Variants in CNTN5 observed in about 807,000 individuals in gnomAD.
CNTN5 encodes the protein contactin 5, also known as contactin-5.
In CNTN5, 77 loss-of-function variants were observed where a neutral mutation model predicts 129.1. That is an observed-to-expected ratio of 0.60 (90% CI 0.50 to 0.72). The LOEUF (loss-of-function observed/expected upper bound fraction) is 0.72. CNTN5 is among the 30% of genes least tolerant of loss of function. CNTN5 has a pLI of 0.00. For synonymous variants in CNTN5, 509 were observed against 465.6 expected, an observed-to-expected ratio of 1.09 and a Z score of -1.20; for missense variants, 1,478 against 1,328.8, an observed-to-expected ratio of 1.11 and a Z score of -1.75.
intron 3 of CNTN5, among the ~76,000 whole-genome samples, chr11:99,742,376 A>T (rs2135165030): frequency 6.6e-6 from 1 of 152,306 alleles, no homozygotes; most frequent in South Asian, 2.1e-4. Context: ...CTTAACACGT[A>T]AGATTTTCTA....
chr11:99,559,066 T>A (rs927842017), intron 3 of CNTN5, among the ~76,000 whole-genome samples: 1 of 152,122 alleles, frequency 6.6e-6, no homozygotes. Flanking sequence ...TGTTCCTTGG[T>A]TAATGCTTAC....
intron 9 of CNTN5, among the ~76,000 whole-genome samples, chr11:100,055,860 C>T (rs990920525): frequency 1.3e-5 from 2 of 151,354 alleles, no homozygotes; most frequent in South Asian, 4.1e-4. Context: ...CTCTCTCTTG[C>T]TCTCACTCTC....
At chr11:99,718,800 T>G (rs761148722) in intron 3 of CNTN5, among the ~76,000 whole-genome samples, 18 of 152,180 alleles carry the variant, frequency 1.2e-4, no homozygotes, top group Non-Finnish European at 2.2e-4. Context: ...ATACCACAGC[T>G]AAATAGGAAA....
chr11:99,129,745 T>C (rs1241041056), intron 1 of CNTN5, among the ~76,000 whole-genome samples: 2 of 152,114 alleles, frequency 1.3e-5, no homozygotes. Context: ...GGGAAACCCA[T>C]CAGACTAACA....
At chr11:99,558,274 TC>T in intron 3 of CNTN5, 1 of 434,274 alleles carries the variant, frequency 2.3e-6, no homozygotes. Flanking sequence ...GTCATTTTCC[TC>T]TTGAACTTAT....
intron 3 of CNTN5, among the ~76,000 whole-genome samples, chr11:99,808,237 G>A (rs1946330128): frequency 6.6e-6 from 1 of 152,156 alleles, no homozygotes; most frequent in Admixed American, 6.5e-5. Context: ...TGAGGCAAAT[G>A]TGTGGACACT....
At chr11:100,127,095 ATT>A (rs5794039) in intron 13 of CNTN5, among the ~76,000 whole-genome samples, 16,727 of 85,498 alleles carry the variant, frequency 0.2, 1,510 homozygotes, top group South Asian at 0.26. Flanking sequence ...TGCGCAGCTA[ATT>A]TTTTTTTTTT....
chr11:99,578,886 A>G (rs10893529), intron 3 of CNTN5, among the ~76,000 whole-genome samples: 138,160 of 151,934 alleles, frequency 0.91, 62,976 homozygotes, highest in East Asian at 1. Context: ...TTGGTGTTTT[A>G]GACATGAAGT....
chr11:99,260,579 C>G (rs543065643), intron 1 of CNTN5, among the ~76,000 whole-genome samples: 1 of 151,742 alleles, frequency 6.6e-6, no homozygotes, highest in Non-Finnish European at 1.5e-5. Flanking sequence ...AAAATTTGGT[C>G]CAAATCATTA....
chr11:100,002,225 A>G (rs1226940391), intron 9 of CNTN5, 89 bp downstream of exon 9: 16 of 818,026 alleles, frequency 2.0e-5, no homozygotes, highest in Non-Finnish European at 2.5e-5. Context: ...GCTAGGTGTC[A>G]TTTCCCCAGT....
intron 2 of CNTN5, among the ~76,000 whole-genome samples, chr11:99,333,100 A>G (rs537609879): frequency 3.9e-5 from 6 of 152,170 alleles, no homozygotes; most frequent in African/African-American, 1.4e-4. Flanking sequence ...GCACAAGATC[A>G]GTGTTTAGTC....
At chr11:99,465,646 G>C (rs2135253248) in intron 2 of CNTN5, among the ~76,000 whole-genome samples, 1 of 139,240 alleles carries the variant, frequency 7.2e-6, no homozygotes, top group South Asian at 2.4e-4. Context: ...ATTTTTTTTA[G>C]ATAAGCTGTA....
chr11:99,940,189 C>T (rs747086655), intron 7 of CNTN5, among the ~76,000 whole-genome samples: 4 of 152,026 alleles, frequency 2.6e-5, no homozygotes, highest in Non-Finnish European at 5.9e-5. Context: ...AATTATCAGC[C>T]CCCAATGTCA....
chr11:99,781,737 C>T (rs187396495), intron 3 of CNTN5, among the ~76,000 whole-genome samples: 32 of 152,196 alleles, frequency 2.1e-4, no homozygotes, highest in Non-Finnish European at 4.0e-4. Context: ...TTTGAAAAAT[C>T]TCAATAGATG....
chr11:99,121,945 A>T (rs542058237), intron 1 of CNTN5, among the ~76,000 whole-genome samples: 8 of 151,996 alleles, frequency 5.3e-5, no homozygotes, highest in African/African-American at 1.9e-4. Context: ...TAAAAAATAG[A>T]AATAATACTT....
At chr11:100,177,254 G>C (rs935626146) in intron 13 of CNTN5, among the ~76,000 whole-genome samples, 1 of 152,126 alleles carries the variant, frequency 6.6e-6, no homozygotes, top group Non-Finnish European at 1.5e-5. Flanking sequence ...CTCCAAGTGA[G>C]ATGTCAGCTC....
At chr11:99,463,034 G>C (rs7115668) in intron 2 of CNTN5, among the ~76,000 whole-genome samples, 30,606 of 151,672 alleles carry the variant, frequency 0.2, 3,425 homozygotes, top group Middle Eastern at 0.33. Context: ...CTTGAACACA[G>C]GAGGCGGAGG....
At chr11:99,390,795 G>A (rs1284842627) in intron 2 of CNTN5, among the ~76,000 whole-genome samples, 2 of 151,908 alleles carry the variant, frequency 1.3e-5, no homozygotes, top group African/African-American at 4.8e-5. Flanking sequence ...TTGTAATAAA[G>A]TACCCATCAT....
At chr11:99,991,748 G>GT in intron 8 of CNTN5, among the ~76,000 whole-genome samples, 1 of 149,794 alleles carries the variant, frequency 6.7e-6, no homozygotes, top group East Asian at 2.2e-4. Flanking sequence ...ATGCAGGTTT[G>GT]TTTGTTTGTT....
Sources: gnomAD v4.1 joint callset for allele counts (sites outside exome capture counted in the v4.1 genomes callset) on GRCh38, gnomAD v4.1.1 for gene constraint, MANE v1.5 for transcripts, NCBI Gene and HGNC (gene_info 2026-07-23, HGNC 2026-07-21) for gene names.